The following ZNF697 variants were observed in gnomAD, a reference collection of about 807,000 sequenced individuals.
ZNF697 encodes the protein zinc finger protein 697.
In ZNF697, 23 loss-of-function variants were observed where a neutral mutation model predicts 32.4. The ratio of observed to expected loss-of-function variants is 0.71; its 90% confidence interval spans 0.51 to 1.01. The LOEUF (loss-of-function observed/expected upper bound fraction) is 1.01, where lower values mean the gene tolerates loss of function less well. ZNF697 is among the 50% of genes least tolerant of loss of function. The probability of loss-of-function intolerance (pLI) is 0.00; values close to 1 mark genes in which losing one functional copy is unlikely to be tolerated. For synonymous variants in ZNF697, 418 were observed against 337.2 expected, an observed-to-expected ratio of 1.24 and a Z score of -2.62; for missense variants, 930 against 794.0, an observed-to-expected ratio of 1.17 and a Z score of -2.06.
chr1:119,633,009 T>G (rs1173498689), intron 1 of ZNF697, among the ~76,000 whole-genome samples: 1 of 152,216 alleles, frequency 6.6e-6, no homozygotes, highest in Non-Finnish European at 1.5e-5. Context: ...AGAGAAACTT[T>G]GGGCAGCCCT....
At chr1:119,631,252 C>T (rs1003141383) in intron 1 of ZNF697, among the ~76,000 whole-genome samples, 4 of 152,266 alleles carry the variant, frequency 2.6e-5, no homozygotes, top group African/African-American at 9.6e-5. Context: ...GCGTGGATGG[C>T]ACCGCGGAGG....
intron 1 of ZNF697, among the ~76,000 whole-genome samples, chr1:119,628,423 T>C (rs1648663056): frequency 6.6e-6 from 1 of 152,162 alleles, no homozygotes. Flanking sequence ...AACATGGTTT[T>C]TCTAGATTTG....
chr1:119,632,055 C>A, intron 1 of ZNF697, among the ~76,000 whole-genome samples: 1 of 152,088 alleles, frequency 6.6e-6, no homozygotes, highest in East Asian at 1.9e-4. Context: ...ATCATTTGTC[C>A]ATCTTCAGCA....
chr1:119,626,238 A>T, intron 1 of ZNF697, 101 bp from the exon 2 acceptor site: 1 of 1,443,306 alleles, frequency 6.9e-7, no homozygotes, highest in Non-Finnish European at 9.1e-7. Flanking sequence ...ATGGAGTTCC[A>T]AGCCCCAGAT....
Position 119,623,743 on chromosome 1 carries a change from A to G in ZNF697, c.600T>C (p.Pro200=), listed in dbSNP as rs1250415915. The change falls in exon 3 of 3, where the codon CCT becomes CCC. Residue 200 remains proline, a synonymous_variant. Coordinates refer to ENST00000421812, the MANE Select transcript of ZNF697 (RefSeq NM_001080470.2). ...GCTGGTGCTGCAGGAAGGCGGCGCC[A>G]GGACTGAAGCTCTCCCCGCAGTCGG... ...ICPDCGESFS[P]GAAFLQHQRI... is the part of the protein sequence containing the mutation. 5 of 1,538,182 alleles carry G rather than the reference A, an allele frequency of 3.3e-6. No homozygotes were observed. The highest frequency in any genetic ancestry group is 3.9e-5 in the Admixed American group (2 of 50,766).
At chr1:119,630,211 C>A (rs1034278318) in intron 1 of ZNF697, among the ~76,000 whole-genome samples, 2 of 152,212 alleles carry the variant, frequency 1.3e-5, no homozygotes, top group Non-Finnish European at 2.9e-5. Context: ...TTCGGGCTTC[C>A]GTTCCATGAG....
Position 119,623,936 on chromosome 1 carries a change from G to A in ZNF697, c.407C>T (p.Pro136Leu), listed in dbSNP as rs780817187. The change falls in exon 3 of 3, where the codon CCG becomes CTG. Residue 136 changes from proline to leucine, a missense_variant. Pro to Leu is a moderately conservative substitution (Grantham distance 98, BLOSUM62 -3). Coordinates refer to ENST00000421812, the MANE Select transcript of ZNF697 (RefSeq NM_001080470.2). ...ENRLEEEEEQ[P>L]APPVLPWRRH... Reference sequence around the variant, plus strand: ...CCTCCAGGGAAGTACGGGAGGGGCCGGCTGCTCCTCTTCCTCCTCCAGCCG... The same window carrying A: ...CCTCCAGGGAAGTACGGGAGGGGCCAGCTGCTCCTCTTCCTCCTCCAGCCG... The A allele has an allele frequency of 3.1e-6, 5 of 1,591,932 alleles. No homozygotes were observed. Among genetic ancestry groups the A allele is most frequent in the African/African-American group, 1.3e-5 (1 of 74,344 alleles).
rs1344953360 is a variant in ZNF697, at chr1:119,623,281, G to A, written c.1062C>T (p.Ala354=). The A allele has an allele frequency of 1.9e-5, 28 of 1,479,704 alleles. No individual in the cohort carries two copies. Among genetic ancestry groups the A allele is most frequent in the East Asian group, 2.7e-5 (1 of 37,538 alleles). 91.7% of individuals were successfully genotyped at this position (1,479,704 alleles called of 1,614,324 possible). A position where few individuals can be genotyped will look rare whatever the true frequency, so the allele number is the denominator to read the frequency against. Residue 354 remains alanine (A), a synonymous_variant, in exon 3 of 3, where the codon GCC becomes GCT. Transcript: ENST00000421812. ...GAGAAALRPF[A]CGECGKGFVR... The stretch of plus-strand genomic sequence containing the variant: ...CGAAGCCCTTGCCGCACTCCCCGCA[G>A]GCGAAGGGCCGCAGCGCCGCCGCCC...
intron 1 of ZNF697, among the ~76,000 whole-genome samples, chr1:119,639,601 A>G (rs1052317733): frequency 4.6e-5 from 7 of 152,014 alleles, no homozygotes; most frequent in Non-Finnish European, 1.0e-4. Context: ...GATTCTGGCC[A>G]GGCATAGTGG....
rs1648401987 is a variant in ZNF697 at position 119,623,066 on chromosome 1, G to A, written c.1277C>T (p.Thr426Met). The A allele has an allele frequency of 3.2e-6, 5 of 1,584,778 alleles. No homozygotes were observed. Among genetic ancestry groups the A allele is most frequent in the Non-Finnish European group, 4.3e-6 (5 of 1,166,082 alleles). Residue 426 changes from threonine (T) to methionine (M), a missense_variant, in exon 3 of 3, where the codon ACG becomes ATG. Transcript: ENST00000421812. ...CTCACCCGAGTGCGTGCGCTTGTGC[G>A]TGAAGAGGTGCGAGCTGACGCTGAA... ...ETFSVSSHLF[T>M]HKRTHSGERP...
chr1:119,630,028 G>C (rs753906572), intron 1 of ZNF697, among the ~76,000 whole-genome samples: 2 of 152,218 alleles, frequency 1.3e-5, no homozygotes, highest in Non-Finnish European at 2.9e-5. Flanking sequence ...TACACCATCT[G>C]TAAGGGAGCT....
At chr1:119,624,501 A>G (rs1188996012) in intron 2 of ZNF697, among the ~76,000 whole-genome samples, 1 of 152,222 alleles carries the variant, frequency 6.6e-6, no homozygotes, top group Non-Finnish European at 1.5e-5. Context: ...AGAGCTACCA[A>G]TGCCTTTTAA....
chr1:119,646,322 A>AAAACAC (rs71586687), intron 1 of ZNF697, among the ~76,000 whole-genome samples: 5 of 136,912 alleles, frequency 3.7e-5, no homozygotes, highest in Admixed American at 7.3e-5. Context: ...CCCCACTTCC[A>AAAACAC]ACACACACAC....
chr1:119,640,020 C>T (rs182675260), intron 1 of ZNF697, among the ~76,000 whole-genome samples: 4 of 152,272 alleles, frequency 2.6e-5, no homozygotes, highest in Middle Eastern at 3.4e-3. Context: ...ATAGTAAGTG[C>T]TCAGATAGAA....
chr1:119,620,478 A>C lies in ZNF697; in HGVS notation c.*2227T>G, dbSNP rs1648276259. ...AAACAGCTGGAAGAGGTAGATGTAC[A>C]TGGAAAGAAACCCACAAAGCAGTAA... is the stretch of plus-strand genomic sequence containing the variant. On this transcript the variant is annotated 3_prime_UTR_variant, in exon 3 of 3. Transcript: ENST00000421812. The C allele has an allele frequency of 6.6e-6, 1 of 152,670 alleles. No homozygotes were observed. The highest frequency in any genetic ancestry group is 2.4e-5 in the African/African-American group (1 of 41,462). 9.5% of individuals were successfully genotyped at this position (152,670 alleles called of 1,614,324 possible).
chr1:119,624,826 C>T (rs2101080194), intron 2 of ZNF697, among the ~76,000 whole-genome samples: 1 of 152,154 alleles, frequency 6.6e-6, no homozygotes, highest in African/African-American at 2.4e-5. Context: ...CTCCTGACCT[C>T]GTTTTCTGCC....
chr1:119,623,584 G>C lies in ZNF697; in HGVS notation c.759C>G (p.Ala253=), dbSNP rs1227382373. 1 of 1,439,812 alleles carries C rather than the reference G, an allele frequency of 6.9e-7. No individual in the cohort carries two copies. Among genetic ancestry groups the C allele is most frequent in the Non-Finnish European group, 9.0e-7 (1 of 1,109,118 alleles). The allele number at this position is 1,439,812 out of a possible 1,614,324, so 89.2% of individuals were successfully genotyped here. Reference sequence around the variant, plus strand: ...GGAAGGGCTTTTCGCGCGGGGGCCGGGCCAGCGGGGGCCCGGCCCCGAAGC... The same window carrying C: ...GGAAGGGCTTTTCGCGCGGGGGCCGCGCCAGCGGGGGCCCGGCCCCGAAGC... ...AGGFGAGPPL[A]RPPREKPFRC... The change falls in exon 3 of 3, where the codon GCC becomes GCG. Residue 253 remains alanine (A), a synonymous_variant. Coordinates refer to ENST00000421812, the MANE Select transcript of ZNF697 (RefSeq NM_001080470.2).
chr1:119,623,500 G>C lies in ZNF697; in HGVS notation c.843C>G (p.Arg281=), dbSNP rs746945654. 6.4e-7 allele frequency: 1 copy of C among 1,571,182 alleles called. No homozygotes were observed. The highest frequency in any genetic ancestry group is 1.8e-5 in the Admixed American group (1 of 55,652). ...GGTTGGGCCGCTCGCCCGTGTGCAG[G>C]CGCAGGTGGTTGGTCAGGTAGGTGT... is the stretch of plus-strand genomic sequence containing the variant. ...SRNTYLTNHL[R]LHTGERPNLC... Residue 281 remains arginine (R), a synonymous_variant, in exon 3 of 3, where the codon CGC becomes CGG. Coordinates refer to ENST00000421812, the MANE Select transcript of ZNF697 (RefSeq NM_001080470.2).
intron 1 of ZNF697, among the ~76,000 whole-genome samples, chr1:119,629,177 C>G (rs1334689040): frequency 6.6e-6 from 1 of 152,142 alleles, no homozygotes; most frequent in Non-Finnish European, 1.5e-5. Flanking sequence ...TCTGTATTTT[C>G]TACATAAACA....
Sources: allele counts gnomAD v4.1 joint callset (sites outside exome capture counted in the v4.1 genomes callset), GRCh38; gene constraint gnomAD v4.1.1; transcripts MANE v1.5; gene names NCBI Gene and HGNC (gene_info 2026-07-23, HGNC 2026-07-21).